VASH2: variants seen among roughly 807,000 people sequenced by gnomAD.
VASH2 encodes the protein tubulinyl-Tyr carboxypeptidase 2.
In VASH2, 28 loss-of-function variants were observed where a neutral mutation model predicts 37.2. That is an observed-to-expected ratio of 0.75 (90% CI 0.56 to 1.03). The LOEUF (loss-of-function observed/expected upper bound fraction) is 1.03. Among genes scored for constraint, VASH2 ranks in the 50% least tolerant of loss-of-function variants. The pLI, the probability that VASH2 is intolerant of heterozygous loss-of-function variation, is 0.00. For synonymous variants in VASH2, 188 were observed against 174.7 expected (o/e 1.08, Z -0.60); for missense variants, 419 against 459.1 (o/e 0.91, Z 0.80).
At chr1:212,977,450 G>A (rs10494956) in intron 7 of VASH2, among the ~76,000 whole-genome samples, 25,905 of 151,994 alleles carry the variant, frequency 0.17, 3,716 homozygotes, top group African/African-American at 0.37. Flanking sequence ...AAAGAAATGA[G>A]TGTTCAAGAG....
rs571784533 is a variant in VASH2, at chr1:212,984,041, C to A, written c.996-4471C>A. ...GTTATGGTGAGGATTAATTAATCCACGGAAACCTCTTAGAATGATGCCTGG... is the reference window on the plus strand; with the variant it reads ...GTTATGGTGAGGATTAATTAATCCAAGGAAACCTCTTAGAATGATGCCTGG... On this transcript the variant is annotated intron_variant, in intron 7 of 7. Transcript: ENST00000517399. Among the ~76,000 whole-genome samples the A allele has an allele frequency of 3.8e-4, 58 of 152,196 alleles. 1 individual carries two copies. Among genetic ancestry groups the A allele is most frequent in the Admixed American group, 1.4e-3 (22 of 15,286 alleles).
Position 212,971,232 on chromosome 1 carries a change from T to C in VASH2, c.498-1348T>C, listed in dbSNP as rs73084274. Among the ~76,000 whole-genome samples the C allele has an allele frequency of 0.13, 19,989 of 152,222 alleles. 2,866 individuals carry two copies. The highest frequency in any genetic ancestry group is 0.35 in the African/African-American group (14,552 of 41,486). On this transcript the variant is annotated intron_variant, in intron 5 of 7. Coordinates refer to ENST00000517399, the MANE Select transcript of VASH2 (RefSeq NM_001301056.2). The surrounding 1 kb of genome is among the most constrained non-coding windows in gnomAD (Gnocchi z 4.0). ...TTGCGTTGTTTCCACCTTCTGGCTA[T>C]TGCAAATGATGCTGTTCAGAGCATG...
At chr1:212,956,589 A>G (rs1010399985) in intron 2 of VASH2, among the ~76,000 whole-genome samples, 1 of 152,230 alleles carries the variant, frequency 6.6e-6, no homozygotes, top group African/African-American at 2.4e-5. Flanking sequence ...TCACGAACAG[A>G]AAAAAGGGAT....
chr1:212,977,676 G>A (rs1667219614), intron 7 of VASH2, among the ~76,000 whole-genome samples: 1 of 152,218 alleles, frequency 6.6e-6, no homozygotes, highest in Non-Finnish European at 1.5e-5. Flanking sequence ...AAAGGGCCCA[G>A]CTGAGGACAG....
intron 2 of VASH2, among the ~76,000 whole-genome samples, chr1:212,958,542 G>A (rs985445664): frequency 6.6e-6 from 1 of 152,132 alleles, no homozygotes; most frequent in Non-Finnish European, 1.5e-5. Flanking sequence ...ATAATTTGGT[G>A]GTCAGTCCTT....
Position 212,961,255 on chromosome 1 carries a change from G to A in VASH2, c.365+1G>A. 1 of 1,614,160 alleles carries A rather than the reference G, an allele frequency of 6.2e-7. No homozygotes were observed. Among genetic ancestry groups the A allele is most frequent in the Non-Finnish European group, 8.5e-7 (1 of 1,180,014 alleles). ...TCCAGAATTACATGAAGACCCTACA[G>A]TATCCTTCCAACCAAGGTCTGAGCA... On this transcript the variant is annotated splice_donor_variant, in intron 3 of 7. Coordinates refer to ENST00000517399, the MANE Select transcript of VASH2 (RefSeq NM_001301056.2). LOFTEE classifies it high-confidence loss of function.
intron 2 of VASH2, among the ~76,000 whole-genome samples, chr1:212,958,556 C>G (rs1435454391): frequency 1.3e-5 from 2 of 152,210 alleles, no homozygotes; most frequent in Non-Finnish European, 2.9e-5. Flanking sequence ...AGTCCTTCAG[C>G]AGACTCTTGA....
At chr1:212,967,541 G>A in intron 5 of VASH2, 1 of 761,370 alleles carries the variant, frequency 1.3e-6, no homozygotes, top group Non-Finnish European at 1.7e-6. Context: ...TTTTCCAAAA[G>A]GCAATGGGCA....
intron 7 of VASH2, among the ~76,000 whole-genome samples, chr1:212,984,480 C>T (rs1453243885): frequency 2.6e-5 from 4 of 152,176 alleles, no homozygotes; most frequent in Admixed American, 1.3e-4. Context: ...CTAGGAGAGA[C>T]TGTCGGGCAC....
At chr1:212,973,364 T>G in intron 6 of VASH2, 1 of 1,283,720 alleles carries the variant, frequency 7.8e-7, no homozygotes, top group Non-Finnish European at 1.0e-6. Context: ...TACGTCCCTC[T>G]TCTCTCTCTC....
intron 6 of VASH2, chr1:212,973,321 C>G (rs1667067690): frequency 1.3e-5 from 16 of 1,192,234 alleles, no homozygotes; most frequent in Non-Finnish European, 1.7e-5. Flanking sequence ...ACCTGGAAAA[C>G]CTTATATGCT....
rs948974087 is a variant in VASH2 at position 212,991,186 on chromosome 1, T to C, written c.*2602T>C. On this transcript the variant is annotated 3_prime_UTR_variant, in exon 8 of 8. Coordinates refer to ENST00000517399, the MANE Select transcript of VASH2 (RefSeq NM_001301056.2). Reference sequence around the variant, plus strand: ...GATATTTAGTATTTTCTATACACTCTGAAATCATGAGCATTTCACTTTTTC... The same window carrying C: ...GATATTTAGTATTTTCTATACACTCCGAAATCATGAGCATTTCACTTTTTC... 6.6e-5 allele frequency: 10 copies of C among 152,154 alleles called. No individual in the cohort carries two copies. Among genetic ancestry groups the C allele is most frequent in the Non-Finnish European group, 1.2e-4 (8 of 68,040 alleles). 9.4% of individuals were successfully genotyped at this position (152,154 alleles called of 1,614,324 possible). A position where few individuals can be genotyped will look rare whatever the true frequency, so the allele number is the denominator to read the frequency against.
At chr1:212,966,164 T>C (rs995333534) in intron 4 of VASH2, 107 bp from the exon 5 acceptor site, 4 of 947,110 alleles carry the variant, frequency 4.2e-6, no homozygotes, top group African/African-American at 3.3e-5. Context: ...CCCTCCGTGC[T>C]CCTGTGTGGT....
At position 212,967,407 on chromosome 1, in the gene VASH2, G is replaced by A. The variant is rs781409554; in HGVS notation, c.497+1062G>A. 19 of 1,192,530 alleles carry A rather than the reference G, an allele frequency of 1.6e-5. No individual in the cohort carries two copies. The East Asian group carries it at 1.7e-4, about 11-fold the overall frequency. 73.9% of individuals were successfully genotyped at this position (1,192,530 alleles called of 1,614,324 possible). On this transcript the variant is annotated intron_variant, in intron 5 of 7. Coordinates refer to ENST00000517399, the MANE Select transcript of VASH2 (RefSeq NM_001301056.2). ...TCAGATAGAAGAGCAAAGATGCTCCGAAGTCCTATGGGATGGATGGCTGTA... is the reference window on the plus strand; with the variant it reads ...TCAGATAGAAGAGCAAAGATGCTCCAAAGTCCTATGGGATGGATGGCTGTA...
At position 212,951,270 on chromosome 1, in the gene VASH2, G is replaced by C. The variant is rs1666294403; in HGVS notation, c.-204-69G>C. ...CGGGGAGTGTCGTGGAGACACTCCG[G>C]GACCCCTCACTCGGTTCCGCTGTGC... On this transcript the variant is annotated intron_variant, in intron 1 of 7. Transcript: ENST00000517399. This position sits in a 1 kb window ranked among gnomAD's most constrained non-coding sequence, Gnocchi z 4.4. 6.5e-6 allele frequency: 1 copy of C among 153,170 alleles called. No homozygotes were observed. The highest frequency in any genetic ancestry group is 6.5e-5 in the Admixed American group (1 of 15,310). The allele number at this position is 153,170 out of a possible 1,614,324, so 9.5% of individuals were successfully genotyped here. A position where few individuals can be genotyped will look rare whatever the true frequency, so the allele number is the denominator to read the frequency against.
intron 5 of VASH2, chr1:212,967,588 C>G: frequency 2.8e-6 from 1 of 354,004 alleles, no homozygotes; most frequent in Non-Finnish European, 4.5e-6. Context: ...GTGTGGCATG[C>G]TTAGGTATAT....
intron 2 of VASH2, among the ~76,000 whole-genome samples, chr1:212,959,970 G>A (rs922282305): frequency 6.6e-6 from 1 of 152,208 alleles, no homozygotes; most frequent in Non-Finnish European, 1.5e-5. Context: ...CCACCCACGT[G>A]GGCTGAGATT....
chr1:212,964,950 T>C (rs1666795254), intron 3 of VASH2, among the ~76,000 whole-genome samples: 1 of 150,592 alleles, frequency 6.6e-6, no homozygotes, highest in Admixed American at 6.6e-5. Flanking sequence ...AGACAGAATA[T>C]CACTATGTTG....
In VASH2 at chr1:212,951,410, G is replaced by C; in HGVS notation, c.-133G>C. 1 of 345,406 alleles carries C rather than the reference G, an allele frequency of 2.9e-6. No homozygotes were observed. Among genetic ancestry groups the C allele is most frequent in the Non-Finnish European group, 4.1e-6 (1 of 242,134 alleles). 21.4% of individuals were successfully genotyped at this position (345,406 alleles called of 1,614,324 possible). A position where few individuals can be genotyped will look rare whatever the true frequency, so the allele number is the denominator to read the frequency against. On this transcript the variant is annotated 5_prime_UTR_variant, in exon 2 of 8. Coordinates refer to ENST00000517399, the MANE Select transcript of VASH2 (RefSeq NM_001301056.2). This position sits in a 1 kb window ranked among gnomAD's most constrained non-coding sequence, Gnocchi z 4.4. ...CCCCCTTGGTGAGTCCTGCCGCAGCGAGAGGCATGGAGAAGGCCGCCCCCG... is the reference window on the plus strand; with the variant it reads ...CCCCCTTGGTGAGTCCTGCCGCAGCCAGAGGCATGGAGAAGGCCGCCCCCG...
Sources: gnomAD v4.1 joint callset for allele counts (sites outside exome capture counted in the v4.1 genomes callset) on GRCh38, gnomAD v4.1.1 for gene constraint, Gnocchi (gnomAD v3.1) non-coding constraint, MANE v1.5 for transcripts, NCBI Gene and HGNC (gene_info 2026-07-23, HGNC 2026-07-21) for gene names.